The following PTPRQ variants were observed in gnomAD, a reference collection of about 807,000 sequenced individuals.
PTPRQ encodes the protein protein tyrosine phosphatase receptor type Q.
Under a neutral mutation model 246.0 loss-of-function variants are expected in PTPRQ, and 199 were observed. The ratio of observed to expected loss-of-function variants is 0.81; its 90% CI spans 0.72 to 0.91. The LOEUF (loss-of-function observed/expected upper bound fraction) is 0.91. Ranked by LOEUF, PTPRQ falls within the 40% of genes least tolerant of loss-of-function variation. PTPRQ has a pLI of 0.00. For synonymous variants in PTPRQ, 869 were observed against 853.2 expected (o/e 1.02, Z -0.32); for missense variants, 2,624 against 2,528.4 (o/e 1.04, Z -0.81).
At chr12:80,583,273 T>C (rs1454228928) in intron 25 of PTPRQ, among the ~76,000 whole-genome samples, 1 of 152,200 alleles carries the variant, frequency 6.6e-6, no homozygotes, top group African/African-American at 2.4e-5. Context: ...AGAGAGAAAA[T>C]CTGTTATGTA....
intron 33 of PTPRQ, among the ~76,000 whole-genome samples, chr12:80,631,810 T>C (rs1899445725): frequency 6.6e-6 from 1 of 152,158 alleles, no homozygotes; most frequent in African/African-American, 2.4e-5. Context: ...AGGAGGGAAG[T>C]GTACATGTTC....
intron 35 of PTPRQ, among the ~76,000 whole-genome samples, chr12:80,645,338 T>C (rs905257309): frequency 1.3e-5 from 2 of 152,058 alleles, no homozygotes; most frequent in Non-Finnish European, 2.9e-5. Context: ...TATACGTATT[T>C]AAAGCTTTGA....
At chr12:80,667,625 A>T (rs1057355362) in intron 39 of PTPRQ, among the ~76,000 whole-genome samples, 1 of 151,948 alleles carries the variant, frequency 6.6e-6, no homozygotes, top group African/African-American at 2.4e-5. Context: ...AGTGCCTGGA[A>T]TGTAATAGTC....
At chr12:80,522,556 A>G (rs1246093542) in intron 17 of PTPRQ, among the ~76,000 whole-genome samples, 3 of 152,144 alleles carry the variant, frequency 2.0e-5, no homozygotes, top group African/African-American at 7.2e-5. Context: ...TAATTTATTG[A>G]GAGTTTTTAA....
chr12:80,540,784 G>A (rs575153728), intron 20 of PTPRQ, among the ~76,000 whole-genome samples: 3 of 152,174 alleles, frequency 2.0e-5, no homozygotes, highest in Admixed American at 2.0e-4. Flanking sequence ...TAGCAAAAAT[G>A]TTATATTGTA....
chr12:80,601,799 A>T (rs1311375053), intron 26 of PTPRQ, among the ~76,000 whole-genome samples: 1 of 151,808 alleles, frequency 6.6e-6, no homozygotes. Context: ...AATTATGCTG[A>T]TGGCAGGAGA....
At chr12:80,641,617 T>C (rs974243454) in intron 35 of PTPRQ, among the ~76,000 whole-genome samples, 1 of 152,172 alleles carries the variant, frequency 6.6e-6, no homozygotes, top group Non-Finnish European at 1.5e-5. Context: ...GAAAATACAT[T>C]TCCTTCAGAG....
Position 80,510,903 on chromosome 12 carries a change from A to T in PTPRQ, c.2678+460A>T, listed in dbSNP as rs186591776. The stretch of plus-strand genomic sequence containing the variant: ...ATGTAAACAATGTATTTCGTTTCTG[A>T]TCACTGTTACCCTGATTGCCTGTTT... On this transcript the variant is annotated intron_variant, in intron 17 of 44. Transcript: ENST00000644991. Among the ~76,000 whole-genome samples, 93 of 152,272 alleles carry T rather than the reference A, an allele frequency of 6.1e-4. 1 individual carries two copies. Among genetic ancestry groups the T allele is most frequent in the African/African-American group, 2.2e-3 (92 of 41,572 alleles).
intron 17 of PTPRQ, among the ~76,000 whole-genome samples, chr12:80,515,111 A>T (rs1895251934): frequency 6.6e-6 from 1 of 152,216 alleles, no homozygotes; most frequent in African/African-American, 2.4e-5. Flanking sequence ...GGAAATGGTC[A>T]TAATTCTGGA....
intron 26 of PTPRQ, among the ~76,000 whole-genome samples, chr12:80,590,159 G>A (rs1897744778): frequency 1.3e-5 from 2 of 151,916 alleles, no homozygotes; most frequent in Non-Finnish European, 2.9e-5. Context: ...TTATCTGTTT[G>A]CAGCAAATGA....
chr12:80,607,155 T>C (rs1386411471), intron 27 of PTPRQ, among the ~76,000 whole-genome samples: 1 of 150,916 alleles, frequency 6.6e-6, no homozygotes, highest in African/African-American at 2.4e-5. Flanking sequence ...TATCCAGCAA[T>C]ATTTTCATAT....
At chr12:80,651,227 G>A (rs182235072) in intron 37 of PTPRQ, among the ~76,000 whole-genome samples, 22 of 152,102 alleles carry the variant, frequency 1.4e-4, no homozygotes, top group African/African-American at 4.6e-4. Flanking sequence ...GCTGGCACAA[G>A]TATTAGCTAT....
intron 39 of PTPRQ, 150 bp downstream of exon 39, chr12:80,658,211 T>A (rs1900507988): frequency 2.1e-6 from 1 of 465,558 alleles, no homozygotes; most frequent in South Asian, 7.2e-5. Context: ...GTACCCTTAT[T>A]TTATAGATGT....
At chr12:80,654,693 CAA>C (rs57224729) in intron 38 of PTPRQ, among the ~76,000 whole-genome samples, 8 of 112,048 alleles carry the variant, frequency 7.1e-5, no homozygotes, top group East Asian at 2.7e-4. Context: ...ACTAAAAATC[CAA>C]AAAAAAAAAA....
At chr12:80,599,480 G>A (rs1898072678) in intron 26 of PTPRQ, among the ~76,000 whole-genome samples, 1 of 151,768 alleles carries the variant, frequency 6.6e-6, no homozygotes, top group Non-Finnish European at 1.5e-5. Flanking sequence ...TTTTAAACTG[G>A]CATATTTTCA....
rs1449301966 is a variant in PTPRQ, at chr12:80,610,566, G to T, written c.4859G>T (p.Ser1620Ile). ...ATCACTGCATTTACTGGGAACATTA[G>T]TGCTGCATATGTAGAAGGGAAGTCA... ...VVITAFTGNI[S>I]AAYVEGKSSA... The change falls in exon 28 of 45, where the codon AGT becomes ATT. Residue 1620 changes from serine (S) to isoleucine (I), a missense_variant. Ser to Ile is a moderately radical substitution (Grantham distance 142, BLOSUM62 -2). Coordinates refer to ENST00000644991, the MANE Select transcript of PTPRQ (RefSeq NM_001145026.2). 4.5e-6 allele frequency: 7 copies of T among 1,543,794 alleles called. No homozygotes were observed. The highest frequency in any genetic ancestry group is 6.1e-6 in the Non-Finnish European group (7 of 1,141,512).
intron 26 of PTPRQ, among the ~76,000 whole-genome samples, chr12:80,602,641 G>C (rs11114522): frequency 1.3e-5 from 2 of 151,650 alleles, no homozygotes; most frequent in Non-Finnish European, 2.9e-5. Flanking sequence ...CACCATGGGA[G>C]GTATTCTCAT....
intron 33 of PTPRQ, among the ~76,000 whole-genome samples, chr12:80,628,582 T>C (rs1305913132): frequency 6.6e-6 from 1 of 152,166 alleles, no homozygotes; most frequent in Non-Finnish European, 1.5e-5. Context: ...AACACGAACA[T>C]TTTTAATCTT....
Position 80,679,101 on chromosome 12 carries a change from T to C in PTPRQ, c.*78T>C. ...AAGTTACCCCCTCATTCTTCCGAAT[T>C]GAAATGTGCAACCTTAAAGAAATAT... On this transcript the variant is annotated 3_prime_UTR_variant, in exon 45 of 45. Transcript: ENST00000644991. 6.7e-7 allele frequency: 1 copy of C among 1,499,790 alleles called. No homozygotes were observed. 92.9% of individuals were successfully genotyped at this position (1,499,790 alleles called of 1,614,324 possible). A position where few individuals can be genotyped will look rare whatever the true frequency, so the allele number is the denominator to read the frequency against.
Sources: gnomAD v4.1 joint callset for allele counts (sites outside exome capture counted in the v4.1 genomes callset) on GRCh38, gnomAD v4.1.1 for gene constraint, MANE v1.5 for transcripts, NCBI Gene and HGNC (gene_info 2026-07-23, HGNC 2026-07-21) for gene names.